Variants in SYT14 observed in about 807,000 individuals in gnomAD.
The protein encoded by SYT14 is synaptotagmin-14.
In SYT14, 32 loss-of-function variants were observed where a neutral mutation model predicts 74.2. The ratio of observed to expected loss-of-function variants is 0.43; its 90% confidence interval spans 0.33 to 0.58. The LOEUF (loss-of-function observed/expected upper bound fraction) is 0.58. SYT14 is among the 20% of genes least tolerant of loss of function. The pLI is 0.05. For missense variants in SYT14, 791 were observed against 981.8 expected (o/e 0.81, Z 2.60); for synonymous variants, 298 against 337.7 (o/e 0.88, Z 1.29).
chr1:210,163,891 G>A (rs1274496013), exon 10 of SYT14: 1 of 453,628 alleles, frequency 2.2e-6, no homozygotes, highest in Admixed American at 2.4e-5. Flanking sequence ...CTGGTAGGGA[G>A]CAGGTGTTGG....
intron 5 of SYT14, among the ~76,000 whole-genome samples, chr1:210,055,153 T>C (rs1425755228): frequency 6.6e-6 from 1 of 152,206 alleles, no homozygotes; most frequent in Non-Finnish European, 1.5e-5. Context: ...ATGAATAAGC[T>C]GTGGAAAAAC....
chr1:210,011,175 T>C (rs1451700963), intron 2 of SYT14, among the ~76,000 whole-genome samples: 1 of 152,144 alleles, frequency 6.6e-6, no homozygotes, highest in East Asian at 1.9e-4. Context: ...GTTATTACAG[T>C]GTAATATTGA....
intron 7 of SYT14, among the ~76,000 whole-genome samples, chr1:210,120,065 C>T (rs1385866217): frequency 6.6e-6 from 1 of 151,926 alleles, no homozygotes; most frequent in Non-Finnish European, 1.5e-5. Context: ...TAGGCTATAC[C>T]TTAGCTATTT....
exon 10 of SYT14, chr1:210,165,279 G>A (rs1340291761): frequency 1.3e-5 from 2 of 152,026 alleles, no homozygotes; most frequent in East Asian, 3.9e-4. Context: ...CACTCACCTT[G>A]ATTGAATGGC....
intron 5 of SYT14, among the ~76,000 whole-genome samples, chr1:210,058,104 C>G (rs948504300): frequency 6.6e-6 from 1 of 152,132 alleles, no homozygotes; most frequent in African/African-American, 2.4e-5. Context: ...GAATCGGTGA[C>G]TAGGGACCGA....
At chr1:210,045,499 A>T (rs2080868648) in intron 5 of SYT14, among the ~76,000 whole-genome samples, 1 of 152,194 alleles carries the variant, frequency 6.6e-6, no homozygotes, top group African/African-American at 2.4e-5. Context: ...TTAAATACAG[A>T]ATAATGCTAC....
chr1:210,003,927 G>C lies in SYT14; in HGVS notation c.-485-9706G>C, dbSNP rs1249340310. 4.0e-5 allele frequency among the ~76,000 whole-genome samples: 6 copies of C among 151,612 alleles called. No individual in the cohort carries two copies. The East Asian group carries it at 1.2e-3, about 29-fold the overall frequency. On this transcript the variant is annotated intron_variant, in intron 2 of 9. Coordinates refer to ENST00000637265, the Ensembl canonical transcript of SYT14. ...ATGCTGTTTCTGTTTGTTTTATTCT[G>C]CTTTTTAATTTTTTTTCCTTATTGT...
intron 2 of SYT14, 82 bp from the exon 3 acceptor site, chr1:210,013,551 T>C: frequency 7.6e-7 from 1 of 1,315,936 alleles, no homozygotes; most frequent in Admixed American, 2.1e-5. Flanking sequence ...GGTAGTAAGC[T>C]AACTTAATGT....
At chr1:210,099,927 T>C in intron 6 of SYT14, 85 bp from the exon 6 acceptor site, 4 of 1,302,854 alleles carry the variant, frequency 3.1e-6, no homozygotes, top group Non-Finnish European at 4.3e-6. Context: ...TTTTCACATC[T>C]TCTAAAGAAA....
intron 5 of SYT14, among the ~76,000 whole-genome samples, chr1:210,086,272 A>G (rs1000052459): frequency 6.6e-6 from 1 of 152,180 alleles, no homozygotes; most frequent in Non-Finnish European, 1.5e-5. Flanking sequence ...CTGTAAAGGT[A>G]CCCTTCGTAA....
At chr1:210,129,947 CAATT>C (rs1474076052) in intron 7 of SYT14, among the ~76,000 whole-genome samples, 1 of 152,188 alleles carries the variant, frequency 6.6e-6, no homozygotes, top group Non-Finnish European at 1.5e-5. Flanking sequence ...AAAACTGCAT[CAATT>C]GTCATTGCCC....
chr1:210,057,979 G>A (rs1404683988), intron 5 of SYT14, among the ~76,000 whole-genome samples: 7 of 152,058 alleles, frequency 4.6e-5, no homozygotes, highest in Non-Finnish European at 8.8e-5. Context: ...TGTACATTTA[G>A]GTCTATACCT....
intron 5 of SYT14, among the ~76,000 whole-genome samples, chr1:210,066,659 C>T (rs2081301598): frequency 6.6e-6 from 1 of 152,056 alleles, no homozygotes; most frequent in Non-Finnish European, 1.5e-5. Flanking sequence ...CAAAAATGTT[C>T]TCCCATTCTG....
At chr1:209,938,218 T>C in exon 1 of SYT14, 1 of 1,512,780 alleles carries the variant, frequency 6.6e-7, no homozygotes, top group Non-Finnish European at 8.9e-7. Context: ...AGCCCTCGCG[T>C]CTGCTGCCCC....
chr1:210,065,693 A>C (rs1349723697), intron 5 of SYT14, among the ~76,000 whole-genome samples: 3 of 152,162 alleles, frequency 2.0e-5, no homozygotes, highest in East Asian at 1.9e-4. Context: ...TTTTCAATGA[A>C]ATGTATGTAA....
chr1:210,009,929 C>T (rs2080055372), intron 2 of SYT14, among the ~76,000 whole-genome samples: 1 of 152,010 alleles, frequency 6.6e-6, no homozygotes, highest in Admixed American at 6.6e-5. Flanking sequence ...AACTCTTCTT[C>T]TTTCTTATCC....
intron 2 of SYT14, among the ~76,000 whole-genome samples, chr1:209,990,779 A>G (rs1202482015): frequency 1.3e-5 from 2 of 151,792 alleles, no homozygotes; most frequent in East Asian, 1.9e-4. Flanking sequence ...ATTAGTAAAT[A>G]CAGAGTAATC....
intron 7 of SYT14, among the ~76,000 whole-genome samples, chr1:210,126,916 T>A (rs1200072679): frequency 6.6e-6 from 1 of 152,208 alleles, no homozygotes; most frequent in African/African-American, 2.4e-5. Flanking sequence ...CTGATCAATT[T>A]AACAGTTTAC....
intron 2 of SYT14, among the ~76,000 whole-genome samples, chr1:209,964,974 T>TAAGCAGGCTTTTCTAAGGA (rs1316603354): frequency 6.6e-6 from 1 of 152,204 alleles, no homozygotes; most frequent in Non-Finnish European, 1.5e-5. Context: ...GCCAACCTTA[T>TAAGCAGGCTTTTCTAAGGA]AAGCAGGCTT....
Sources: gnomAD v4.1 joint callset for allele counts (sites outside exome capture counted in the v4.1 genomes callset) on GRCh38, gnomAD v4.1.1 for gene constraint, MANE v1.5 for transcripts, NCBI Gene and HGNC (gene_info 2026-07-23, HGNC 2026-07-21) for gene names.